The following PPIH variants were observed in gnomAD, a reference collection of about 807,000 sequenced individuals.
PPIH encodes peptidylprolyl isomerase H.
PPIH carries 16 observed loss-of-function variants against 27.6 expected under a neutral mutation model. That is an observed-to-expected ratio of 0.58 (90% CI 0.39 to 0.88). The LOEUF (loss-of-function observed/expected upper bound fraction) is 0.88, where lower values mean the gene tolerates loss of function less well. PPIH is among the 40% of genes least tolerant of loss of function. PPIH has a pLI of 0.00. For synonymous variants in PPIH, 63 were observed against 76.1 expected (o/e 0.83, Z 0.90); for missense variants, 155 against 224.1 (o/e 0.69, Z 1.97).
At chr1:42,666,708 A>G (rs1330913707) in intron 8 of PPIH, 121 bp downstream of exon 8, 2 of 1,031,156 alleles carry the variant, frequency 1.9e-6, no homozygotes, top group Non-Finnish European at 2.9e-6. Context: ...TCATTGCCCC[A>G]GGAAAAGGGA....
At chr1:42,675,157 G>T (rs568041974) in intron 9 of PPIH, 1 of 152,346 alleles carries the variant, frequency 6.6e-6, no homozygotes, top group South Asian at 2.1e-4. Flanking sequence ...TAATACTTCT[G>T]CAGAGTAGAG....
downstream of PPIH, chr1:42,678,756 A>C (rs1649957791): frequency 1.3e-5 from 2 of 152,184 alleles, no homozygotes; most frequent in African/African-American, 4.8e-5. Flanking sequence ...GGAAGAACTG[A>C]GCTTCTGGAA....
intron 9 of PPIH, among the ~76,000 whole-genome samples, chr1:42,667,738 T>C (rs367598829): frequency 6.6e-6 from 1 of 152,364 alleles, no homozygotes; most frequent in Admixed American, 6.5e-5. Flanking sequence ...TCAGGCAGTT[T>C]GTAACAGCAC....
chr1:42,676,174 G>A (rs752325831), intron 9 of PPIH, among the ~76,000 whole-genome samples: 3 of 152,084 alleles, frequency 2.0e-5, no homozygotes, highest in East Asian at 1.9e-4. Flanking sequence ...GGAGTGTAGA[G>A]AATAGCTGGG....
chr1:42,665,419 G>A (rs2148715544), intron 6 of PPIH, among the ~76,000 whole-genome samples: 1 of 152,176 alleles, frequency 6.6e-6, no homozygotes, highest in East Asian at 1.9e-4. Flanking sequence ...ACAAAGAAAA[G>A]AAAGAAAAGA....
At chr1:42,679,106 G>A (rs1649964055), downstream of PPIH, among the ~76,000 whole-genome samples, 1 of 152,220 alleles carries the variant, frequency 6.6e-6, no homozygotes, top group Non-Finnish European at 1.5e-5. Flanking sequence ...CTCCCAGGAT[G>A]GCAGGGAGAC....
At chr1:42,660,746 T>C in intron 4 of PPIH, 116 bp from the exon 5 acceptor site, 1 of 955,142 alleles carries the variant, frequency 1.0e-6, no homozygotes, top group African/African-American at 1.7e-5. Flanking sequence ...AATGATTTTA[T>C]AATAGCCAAA....
intron 7 of PPIH, 112 bp downstream of exon 7, chr1:42,666,179 G>T: frequency 1.0e-6 from 1 of 999,318 alleles, no homozygotes; most frequent in East Asian, 2.4e-5. Context: ...TAACTGCTTA[G>T]GTGGTAATAG....
intron 5 of PPIH, among the ~76,000 whole-genome samples, chr1:42,663,518 A>G (rs1007249046): frequency 2.6e-5 from 4 of 152,012 alleles, no homozygotes; most frequent in Admixed American, 2.6e-4. Context: ...CTCGTGCCTC[A>G]GCCTCCCGAG....
chr1:42,680,659 T>C (rs1198782019), downstream of PPIH, among the ~76,000 whole-genome samples: 3 of 152,230 alleles, frequency 2.0e-5, no homozygotes, highest in Non-Finnish European at 4.4e-5. Flanking sequence ...GTGTGGTTAG[T>C]AGCCAACAGC....
At chr1:42,666,840 C>A (rs1649368540) in intron 8 of PPIH, among the ~76,000 whole-genome samples, 1 of 152,184 alleles carries the variant, frequency 6.6e-6, no homozygotes, top group Non-Finnish European at 1.5e-5. Context: ...TGATTAGTCC[C>A]TGTCTACCTC....
rs555202501 is a variant in PPIH, at chr1:42,667,408, G to C, written c.523G>C (p.Gly175Arg). The C allele has an allele frequency of 6.2e-7, 1 of 1,602,042 alleles. No homozygotes were observed. Among genetic ancestry groups the C allele is most frequent in the Admixed American group, 1.7e-5 (1 of 59,986 alleles). Reference sequence around the variant, plus strand: ...GCTACCTGTGGTGATCTCGCAGTGTGGGGAGATGTAGTCCAGACAAAGACT... The same window carrying C: ...GCTACCTGTGGTGATCTCGCAGTGTCGGGAGATGTAGTCCAGACAAAGACT... ...PKLPVVISQCGEM is the reference protein window; with the variant it reads ...PKLPVVISQCREM The change falls in exon 9 of 10, where the codon GGG (glycine) becomes CGG (arginine). Residue 175 changes from glycine (G) to arginine (R), a missense_variant. Physicochemically the swap from Gly to Arg is moderately radical, Grantham distance 125 (BLOSUM62 -2). This residue lies in a region of PPIH where 96 missense variants were observed against 175.3 expected (regional missense o/e 0.55). Transcript: ENST00000304979.
At chr1:42,659,046 G>C (rs1557508236) in intron 2 of PPIH, 138 bp downstream of exon 2, 1 of 1,325,062 alleles carries the variant, frequency 7.5e-7, no homozygotes, top group Non-Finnish European at 1.1e-6. Flanking sequence ...TGCTCTGTCT[G>C]GTTGCCGTTT....
chr1:42,668,505 A>C (rs1309626697), intron 9 of PPIH, among the ~76,000 whole-genome samples: 2 of 152,160 alleles, frequency 1.3e-5, no homozygotes, highest in Non-Finnish European at 1.5e-5. Flanking sequence ...AAAAATAAGA[A>C]CATCCTACGT....
intron 5 of PPIH, among the ~76,000 whole-genome samples, chr1:42,662,400 T>A (rs762844297): frequency 6.6e-6 from 1 of 152,144 alleles, no homozygotes; most frequent in Non-Finnish European, 1.5e-5. Context: ...TATTTTTTAT[T>A]TTTTTATTTT....
In PPIH at chr1:42,669,327, C is replaced by A. The variant is rs143091836; in HGVS notation, c.*21+1887C>A. On this transcript the variant is annotated intron_variant, in intron 9 of 9. Coordinates refer to ENST00000304979, the MANE Select transcript of PPIH (RefSeq NM_006347.4). ...ATGACATTAGAAGTGGAAAATTCCA[C>A]ACCTGACTTCATGTGATGGATCATA... 2.0e-5 allele frequency among the ~76,000 whole-genome samples: 3 copies of A among 152,288 alleles called. No individual in the cohort carries two copies. The East Asian group carries it at 5.8e-4, about 29-fold the overall frequency.
chr1:42,669,700 G>A (rs559703830), intron 9 of PPIH, among the ~76,000 whole-genome samples: 1 of 152,276 alleles, frequency 6.6e-6, no homozygotes, highest in African/African-American at 2.4e-5. Context: ...TTAAAGAGAA[G>A]TTCTAAATTT....
downstream of PPIH, among the ~76,000 whole-genome samples, chr1:42,679,700 A>G (rs1649974958): frequency 1.3e-5 from 2 of 152,194 alleles, no homozygotes; most frequent in Non-Finnish European, 2.9e-5. Context: ...ATATTTTCTA[A>G]GTGTCTTTGT....
At chr1:42,678,450 A>G (rs1473237027), downstream of PPIH, among the ~76,000 whole-genome samples, 1 of 152,224 alleles carries the variant, frequency 6.6e-6, no homozygotes, top group Non-Finnish European at 1.5e-5. Context: ...CCCAGGCTGC[A>G]GTGCAATGGC....
Sources: gnomAD v4.1 joint callset for allele counts (sites outside exome capture counted in the v4.1 genomes callset) on GRCh38, gnomAD v4.1.1 for gene constraint, gnomAD v4.1.1 regional missense constraint, MANE v1.5 for transcripts, NCBI Gene and HGNC (gene_info 2026-07-23, HGNC 2026-07-21) for gene names.